Variants in POMT1 observed in about 807,000 individuals in gnomAD.
POMT1 encodes protein O-mannosyl-transferase 1.
In POMT1, 85 loss-of-function variants were observed where a neutral mutation model predicts 101.6. The ratio of observed to expected loss-of-function variants is 0.84; its 90% CI spans 0.70 to 1.00. The LOEUF (loss-of-function observed/expected upper bound fraction) is 1.00. Ranked by LOEUF, POMT1 falls within the 50% of genes least tolerant of loss-of-function variation. POMT1 has a pLI of 0.00. For missense variants in POMT1, 857 were observed against 930.4 expected (o/e 0.92, Z 1.03); for synonymous variants, 371 against 383.0 (o/e 0.97, Z 0.37).
intron 2 of POMT1, 116 bp downstream of exon 2, chr9:131,504,456 G>GT (rs1413750702): frequency 6.7e-7 from 1 of 1,492,890 alleles, no homozygotes; most frequent in Non-Finnish European, 9.2e-7. Flanking sequence ...GGTGATAGGT[G>GT]TTTTTGGCAG....
Position 131,513,298 on chromosome 9 carries a change from TG to T in POMT1, c.1144del (p.Val382SerfsTer4). Reference sequence around the variant, plus strand: ...GTGAGGCACGGGGACATGGTGCAGCTGGTCCACGGCATGACCACCCGCTCCC... The same window carrying T: ...GTGAGGCACGGGGACATGGTGCAGCTGTCCACGGCATGACCACCCGCTCCC... ...RPVRHGDMVQ[L>X]VHGMTTRSLN... On this transcript the variant is annotated frameshift_variant, in exon 12 of 20. Transcript: ENST00000402686. LOFTEE classifies it high-confidence loss of function. The T allele has an allele frequency of 6.2e-7, 1 of 1,612,486 alleles. No individual in the cohort carries two copies. The highest frequency in any genetic ancestry group is 1.1e-5 in the South Asian group (1 of 91,036).
At chr9:131,518,363 ATTGT>A (rs773342894) in intron 13 of POMT1, 78 bp from the exon 14 acceptor site, 1 of 1,151,250 alleles carries the variant, frequency 8.7e-7, no homozygotes, top group Non-Finnish European at 1.3e-6. Flanking sequence ...AGTCAGTATC[ATTGT>A]TTGGTGACAG....
At position 131,522,459 on chromosome 9, in the gene POMT1, C is replaced by T. The variant is rs986944520; in HGVS notation, c.2003+235C>T. ...GATGAAAGCGGAGTGGGTGGGGAGA[C>T]GGGGAGGGGATGAAGAGATGTGGGT... On this transcript the variant is annotated intron_variant, in intron 19 of 19. Transcript: ENST00000402686. This position sits in a 1 kb window ranked among gnomAD's most constrained non-coding sequence, Gnocchi z 5.5. The T allele has an allele frequency of 1.7e-5, 14 of 801,202 alleles. No individual in the cohort carries two copies. The highest frequency in any genetic ancestry group is 5.7e-5 in the East Asian group (2 of 35,150). 49.6% of individuals were successfully genotyped at this position (801,202 alleles called of 1,614,324 possible).
At position 131,519,636 on chromosome 9, in the gene POMT1, T is replaced by C; in HGVS notation, c.1584+150T>C. ...CAGAATGAGTGTCTCCTCTCTCCAG[T>C]GTAAGGGACTGTGTGTGACACCCCT... On this transcript the variant is annotated intron_variant, in intron 16 of 19. Coordinates refer to ENST00000402686, the MANE Select transcript of POMT1 (RefSeq NM_001077365.2). The surrounding 1 kb of genome is among the most constrained non-coding windows in gnomAD (Gnocchi z 4.3). 1.2e-6 allele frequency: 1 copy of C among 806,692 alleles called. No individual in the cohort carries two copies. Among genetic ancestry groups the C allele is most frequent in the Non-Finnish European group, 2.0e-6 (1 of 488,096 alleles). The allele number at this position is 806,692 out of a possible 1,614,324, so 50.0% of individuals were successfully genotyped here. A position where few individuals can be genotyped will look rare whatever the true frequency, so the allele number is the denominator to read the frequency against.
At chr9:131,514,803 A>G (rs1178148290) in intron 12 of POMT1, among the ~76,000 whole-genome samples, 3 of 152,306 alleles carry the variant, frequency 2.0e-5, no homozygotes, top group Admixed American at 1.3e-4. Flanking sequence ...TAAAAATACA[A>G]AAATTAGCCA....
At position 131,519,583 on chromosome 9, in the gene POMT1, C is replaced by T. The variant is rs948259839; in HGVS notation, c.1584+97C>T. 2 of 1,182,188 alleles carry T rather than the reference C, an allele frequency of 1.7e-6. No homozygotes were observed. The highest frequency in any genetic ancestry group is 1.2e-6 in the Non-Finnish European group (1 of 824,704). 73.2% of individuals were successfully genotyped at this position (1,182,188 alleles called of 1,614,324 possible). ...GCACAGGACTCAAACCAGAGTCAGGCTTTGACGCTGGAGCTACAGGCTCAC... is the reference window on the plus strand; with the variant it reads ...GCACAGGACTCAAACCAGAGTCAGGTTTTGACGCTGGAGCTACAGGCTCAC... On this transcript the variant is annotated intron_variant, in intron 16 of 19. Coordinates refer to ENST00000402686, the MANE Select transcript of POMT1 (RefSeq NM_001077365.2). The surrounding 1 kb of genome is among the most constrained non-coding windows in gnomAD (Gnocchi z 4.3).
intron 12 of POMT1, among the ~76,000 whole-genome samples, chr9:131,514,677 C>G (rs140813349): frequency 1.3e-5 from 2 of 152,168 alleles, no homozygotes; most frequent in Non-Finnish European, 2.9e-5. Flanking sequence ...TGTTCCTGAC[C>G]GGGCGTGCTG....
intron 1 of POMT1, 57 bp from the exon 2 acceptor site, chr9:131,504,132 C>T: frequency 6.2e-7 from 1 of 1,603,914 alleles, no homozygotes; most frequent in Non-Finnish European, 8.5e-7. Flanking sequence ...GGCTGGGGAT[C>T]CCTTCTGTAG....
At chr9:131,510,719 T>A (rs1946930022) in intron 9 of POMT1, 1 of 405,542 alleles carries the variant, frequency 2.5e-6, no homozygotes, top group Non-Finnish European at 4.7e-6. Flanking sequence ...TTGGTCAGTC[T>A]GGTCTGGAAC....
chr9:131,515,472 T>G lies in POMT1; in HGVS notation c.1222T>G (p.Cys408Gly). ...PLSPHSQEVS[C>G]YIDYNISMPA... ...GAGCCCCCATTCACAGGAGGTCTCCTGCTACATTGACTATAACATCTCCAT... is the reference window on the plus strand; with the variant it reads ...GAGCCCCCATTCACAGGAGGTCTCCGGCTACATTGACTATAACATCTCCAT... Residue 408 changes from cysteine (C) to glycine (G), a missense_variant, in exon 13 of 20, where the codon TGC (cysteine) becomes GGC (glycine). Cys to Gly is a radical substitution (Grantham distance 159, BLOSUM62 -3). Transcript: ENST00000402686. The G allele has an allele frequency of 6.2e-7, 1 of 1,614,242 alleles. No individual in the cohort carries two copies. Among genetic ancestry groups the G allele is most frequent in the South Asian group, 1.1e-5 (1 of 91,092 alleles).
chr9:131,510,362 C>A lies in POMT1; in HGVS notation c.802C>A (p.Arg268Ser), dbSNP rs756974607. ...CTACGTCCACTTGATTCTAGTCTTC[C>A]GCTCTGGGCCCCACGACCAAATCAT... ...FFYVHLILVF[R>S]SGPHDQIMSS... The change falls in exon 9 of 20, where the codon CGC (arginine) becomes AGC (serine). Residue 268 changes from arginine (R) to serine (S), a missense_variant. Arg to Ser is a moderately radical substitution (Grantham distance 110). Coordinates refer to ENST00000402686, the MANE Select transcript of POMT1 (RefSeq NM_001077365.2). 2.5e-6 allele frequency: 4 copies of A among 1,614,056 alleles called. No homozygotes were observed. Among genetic ancestry groups the A allele is most frequent in the Non-Finnish European group, 3.4e-6 (4 of 1,180,018 alleles).
At position 131,509,008 on chromosome 9, in the gene POMT1, C is replaced by A. The variant is rs1416416865; in HGVS notation, c.525C>A (p.Asn175Lys). 1 of 1,607,290 alleles carries A rather than the reference C, an allele frequency of 6.2e-7. No individual in the cohort carries two copies. The change falls in exon 6 of 20, where the codon AAC becomes AAA. Residue 175 changes from asparagine to lysine, a missense_variant. Coordinates refer to ENST00000402686, the MANE Select transcript of POMT1 (RefSeq NM_001077365.2). ...LAVLSYLKFF[N>K]CQKHSPFSLS... ...TGTTGTCCTACCTGAAGTTCTTCAACTGCCAAAAGCACAGGTATGGAAAAT... is the reference window on the plus strand; with the variant it reads ...TGTTGTCCTACCTGAAGTTCTTCAAATGCCAAAAGCACAGGTATGGAAAAT...
Position 131,519,013 on chromosome 9 carries a change from A to C in POMT1, c.1486+56A>C. ...TGGAATGTACTTTCAGCTGCTCAAT[A>C]TTTGATAACACCCCAGAGTTCTCAT... On this transcript the variant is annotated intron_variant, in intron 15 of 19. Coordinates refer to ENST00000402686, the MANE Select transcript of POMT1 (RefSeq NM_001077365.2). This position sits in a 1 kb window ranked among gnomAD's most constrained non-coding sequence, Gnocchi z 4.3. The C allele has an allele frequency of 6.2e-7, 1 of 1,609,258 alleles. No individual in the cohort carries two copies. Among genetic ancestry groups the C allele is most frequent in the Non-Finnish European group, 8.5e-7 (1 of 1,179,650 alleles).
Position 131,521,461 on chromosome 9 carries a change from A to G in POMT1, c.1814A>G (p.Asp605Gly). 6.2e-7 allele frequency: 1 copy of G among 1,613,026 alleles called. No homozygotes were observed. The highest frequency in any genetic ancestry group is 8.5e-7 in the Non-Finnish European group (1 of 1,179,728). ...YLLRRRRNVH[D>G]LPQDAWLRWV... ...CTCCGACGGCGAAGAAATGTCCATG[A>G]CCTCCCTCAGGGTTAGTACCTCTCC... The change falls in exon 18 of 20, where the codon GAC (aspartate) becomes GGC (glycine). Residue 605 changes from aspartate to glycine, a missense_variant. Coordinates refer to ENST00000402686, the MANE Select transcript of POMT1 (RefSeq NM_001077365.2).
In POMT1 at chr9:131,522,404, A is replaced by T; in HGVS notation, c.2003+180A>T. ...AGATGCCCAGATGAGGCACTGCAGG[A>T]ACCCAGAGGGAGAAGTCGCGGCTGA... On this transcript the variant is annotated intron_variant, in intron 19 of 19. Transcript: ENST00000402686. The surrounding 1 kb of genome is among the most constrained non-coding windows in gnomAD (Gnocchi z 5.5). The T allele has an allele frequency of 7.8e-7, 1 of 1,287,730 alleles. No individual in the cohort carries two copies. Among genetic ancestry groups the T allele is most frequent in the Non-Finnish European group, 1.0e-6 (1 of 953,720 alleles). 79.8% of individuals were successfully genotyped at this position (1,287,730 alleles called of 1,614,324 possible).
At chr9:131,520,336 C>T in intron 17 of POMT1, 143 bp downstream of exon 17, 1 of 793,992 alleles carries the variant, frequency 1.3e-6, no homozygotes, top group Admixed American at 2.0e-5. Context: ...ACTTGGTTTT[C>T]TCTAAACGCT....
chr9:131,508,298 T>C (rs1588357461), intron 5 of POMT1, among the ~76,000 whole-genome samples: 1 of 151,760 alleles, frequency 6.6e-6, no homozygotes, highest in Non-Finnish European at 1.5e-5. Flanking sequence ...TTTGGGAGGC[T>C]GAGGCGGGTG....
chr9:131,516,310 G>A (rs1182675286), intron 13 of POMT1, among the ~76,000 whole-genome samples: 3 of 145,466 alleles, frequency 2.1e-5, no homozygotes, highest in South Asian at 2.2e-4. Context: ...TTCCTCACAC[G>A]GAGCACTTCC....
At chr9:131,518,726 A>G (rs1325086752) in intron 14 of POMT1, 111 bp from the exon 15 acceptor site, 3 of 1,560,908 alleles carry the variant, frequency 1.9e-6, no homozygotes, top group African/African-American at 2.7e-5. Context: ...ATCTCCCACA[A>G]GGGGCACCTG....
Sources: gnomAD v4.1 joint callset for allele counts (sites outside exome capture counted in the v4.1 genomes callset) on GRCh38, gnomAD v4.1.1 for gene constraint, Gnocchi (gnomAD v3.1) non-coding constraint, MANE v1.5 for transcripts, NCBI Gene and HGNC (gene_info 2026-07-23, HGNC 2026-07-21) for gene names.